MYH10: variants seen among roughly 807,000 people sequenced by gnomAD.
The protein encoded by MYH10 is myosin heavy chain 10.
A neutral mutation model predicts 257.8 loss-of-function variants in MYH10; 55 were observed. The ratio of observed to expected loss-of-function variants is 0.21; its 90% CI spans 0.17 to 0.27. The LOEUF is 0.27. Among genes scored for constraint, MYH10 ranks in the 10% least tolerant of loss-of-function variants. The pLI is 1.00. For missense variants in MYH10, 1,631 were observed against 2,500.6 expected, an observed-to-expected ratio of 0.65 and a Z score of 7.42; for synonymous variants, 854 against 921.7, an observed-to-expected ratio of 0.93 and a Z score of 1.33.
chr17:8,530,037 T>C (rs34252626), intron 17 of MYH10, among the ~76,000 whole-genome samples: 1 of 152,144 alleles, frequency 6.6e-6, no homozygotes, highest in Non-Finnish European at 1.5e-5. Context: ...TCAGGCCTTG[T>C]AGATAGTTTC....
In MYH10 at chr17:8,623,140, A is replaced by C; in HGVS notation, c.107T>G (p.Val36Gly). ...ACCATGGCGTTCTGATGGAATCCAC[A>C]CTAGCTTTTTAGCTGTCCAATCAGC... The part of the protein sequence containing the change: ...TQADWTAKKL[V>G]WIPSERHGFE... Residue 36 changes from valine (V) to glycine (G), a missense_variant, in exon 2 of 43, where the codon GTG becomes GGG. Val to Gly is a moderately radical substitution (Grantham distance 109, BLOSUM62 -3). Coordinates refer to ENST00000360416, the MANE Select transcript of MYH10 (RefSeq NM_001256012.3). The C allele has an allele frequency of 6.2e-7, 1 of 1,613,860 alleles. No individual in the cohort carries two copies. The highest frequency in any genetic ancestry group is 8.5e-7 in the Non-Finnish European group (1 of 1,179,950).
chr17:8,514,573 A>G (rs983959894), intron 21 of MYH10, among the ~76,000 whole-genome samples: 19 of 151,370 alleles, frequency 1.3e-4, no homozygotes, highest in African/African-American at 3.9e-4. Flanking sequence ...ATTCGCCTTC[A>G]CTCTACTATT....
chr17:8,512,781 G>A (rs2081342592), intron 23 of MYH10, 124 bp from the exon 24 acceptor site: 11 of 724,354 alleles, frequency 1.5e-5, no homozygotes, highest in East Asian at 5.7e-5. Flanking sequence ...ATAACATCAC[G>A]GGAAGAACTT....
intron 38 of MYH10, 60 bp from the exon 39 acceptor site, chr17:8,480,585 A>AG: frequency 6.3e-7 from 1 of 1,590,942 alleles, no homozygotes; most frequent in Non-Finnish European, 8.5e-7. Flanking sequence ...CAGGAGCCTC[A>AG]GGGAAGGCTC....
At chr17:8,611,869 G>C (rs959761157) in intron 2 of MYH10, among the ~76,000 whole-genome samples, 2 of 152,120 alleles carry the variant, frequency 1.3e-5, no homozygotes, top group African/African-American at 4.8e-5. Flanking sequence ...GAATTTTCCC[G>C]GACCAACAAA....
chr17:8,477,146 C>A lies in MYH10; in HGVS notation c.5707-98G>T. On this transcript the variant is annotated intron_variant, in intron 41 of 42. Transcript: ENST00000360416. This position sits in a 1 kb window ranked among gnomAD's most constrained non-coding sequence, Gnocchi z 4.2. ...TGGCAGTGTGGGGCTCTGCCTGTTA[C>A]CCTTGTGAGCACGCGTGTACACGGA... 1 of 1,401,160 alleles carries A rather than the reference C, an allele frequency of 7.1e-7. No individual in the cohort carries two copies. Among genetic ancestry groups the A allele is most frequent in the Non-Finnish European group, 9.9e-7 (1 of 1,014,648 alleles). The allele number at this position is 1,401,160 out of a possible 1,614,324, so 86.8% of individuals were successfully genotyped here.
At chr17:8,571,990 G>A (rs4445952) in intron 6 of MYH10, among the ~76,000 whole-genome samples, 146,216 of 151,614 alleles carry the variant, frequency 0.96, 70,737 homozygotes, top group East Asian at 1. Flanking sequence ...AAAAACACTG[G>A]CATTCTAGTA....
At chr17:8,616,529 C>T (rs566860298) in intron 2 of MYH10, among the ~76,000 whole-genome samples, 13 of 151,762 alleles carry the variant, frequency 8.6e-5, no homozygotes, top group African/African-American at 3.1e-4. Flanking sequence ...AATTTAAACA[C>T]CATTTAAATA....
intron 42 of MYH10, among the ~76,000 whole-genome samples, chr17:8,476,157 C>A: frequency 6.6e-6 from 1 of 152,172 alleles, no homozygotes; most frequent in East Asian, 1.9e-4. Flanking sequence ...AAGCAGGGTC[C>A]TTGGAGAACT....
intron 30 of MYH10, among the ~76,000 whole-genome samples, chr17:8,497,521 C>T (rs56375951): frequency 0.42 from 63,697 of 151,416 alleles, 13,345 homozygotes; most frequent in East Asian, 0.5. Flanking sequence ...AGGCAGATCA[C>T]GAGGTCAGGA....
chr17:8,610,495 A>G (rs1430089486), intron 2 of MYH10, among the ~76,000 whole-genome samples: 3 of 152,090 alleles, frequency 2.0e-5, no homozygotes, highest in Non-Finnish European at 4.4e-5. Context: ...TAAAAGTGAT[A>G]TAACAATTGC....
intron 6 of MYH10, among the ~76,000 whole-genome samples, chr17:8,570,246 A>G (rs1317745648): frequency 3.9e-5 from 6 of 152,246 alleles, no homozygotes; most frequent in African/African-American, 1.2e-4. Context: ...GTATTGATGT[A>G]GCACTTTCCA....
chr17:8,612,059 T>G (rs1448192562), intron 2 of MYH10, among the ~76,000 whole-genome samples: 1 of 152,220 alleles, frequency 6.6e-6, no homozygotes, highest in Non-Finnish European at 1.5e-5. Flanking sequence ...CTATTCTGAG[T>G]AGTGTGATGA....
chr17:8,514,690 C>T (rs1597709075), intron 21 of MYH10, among the ~76,000 whole-genome samples: 1 of 151,982 alleles, frequency 6.6e-6, no homozygotes, highest in East Asian at 1.9e-4. Context: ...GTTCCTTCGA[C>T]AGACAACTGA....
intron 11 of MYH10, among the ~76,000 whole-genome samples, chr17:8,547,924 C>A (rs543862622): frequency 6.6e-6 from 1 of 151,718 alleles, no homozygotes; most frequent in Admixed American, 6.6e-5. Flanking sequence ...CTATTAAGAT[C>A]TAGATTTCCA....
intron 22 of MYH10, 28 bp downstream of exon 22, chr17:8,513,758 G>A (rs780033825): frequency 6.2e-7 from 1 of 1,612,750 alleles, no homozygotes; most frequent in African/African-American, 1.3e-5. Flanking sequence ...ATTTGAAAGG[G>A]ATCTGGAAAG....
chr17:8,590,037 C>G (rs2084064473), intron 3 of MYH10, among the ~76,000 whole-genome samples: 1 of 152,184 alleles, frequency 6.6e-6, no homozygotes, highest in Non-Finnish European at 1.5e-5. Context: ...TTGTCATTGC[C>G]TAGAAAGGAA....
At position 8,475,413 on chromosome 17, in the gene MYH10, T is replaced by C. The variant is rs1252009551; in HGVS notation, c.*391A>G. On this transcript the variant is annotated 3_prime_UTR_variant, in exon 43 of 43. Coordinates refer to ENST00000360416, the MANE Select transcript of MYH10 (RefSeq NM_001256012.3). The stretch of plus-strand genomic sequence containing the variant: ...CGTGAACACAGAACTAGGTTACCTG[T>C]CTGTATGACAGAGAGCATGCAGAGC... The C allele has an allele frequency of 5.6e-6, 1 of 177,436 alleles. No individual in the cohort carries two copies. Among genetic ancestry groups the C allele is most frequent in the African/African-American group, 2.4e-5 (1 of 42,092 alleles). The allele number at this position is 177,436 out of a possible 1,614,324, so 11.0% of individuals were successfully genotyped here.
At position 8,515,427 on chromosome 17, in the gene MYH10, G is replaced by C. The variant is rs377569523; in HGVS notation, c.2505-1533C>G. ...CTATACTGCCAACGAATTCCTCCTT[G>C]CTGGTTAGAATTTTCCCTGAACCCA... On this transcript the variant is annotated intron_variant, in intron 21 of 42. Coordinates refer to ENST00000360416, the MANE Select transcript of MYH10 (RefSeq NM_001256012.3). Among the ~76,000 whole-genome samples the C allele has an allele frequency of 4.0e-5, 6 of 151,186 alleles. No individual in the cohort carries two copies. In the East Asian group the frequency reaches 1.2e-3, roughly 29 times the overall value.
Sources: allele counts gnomAD v4.1 joint callset (sites outside exome capture counted in the v4.1 genomes callset), GRCh38; gene constraint gnomAD v4.1.1; non-coding constraint Gnocchi (gnomAD v3.1); transcripts MANE v1.5; gene names NCBI Gene and HGNC (gene_info 2026-07-23, HGNC 2026-07-21).